Variants in MALRD1 observed in about 807,000 individuals in gnomAD.
MALRD1 encodes MAM and LDL-receptor class A domain-containing protein 1.
MALRD1 carries 247 observed loss-of-function variants against 242.1 expected under a neutral mutation model. That is an observed-to-expected ratio of 1.02 (90% confidence interval 0.92 to 1.13). The LOEUF is 1.13. Ranked by LOEUF, MALRD1 falls within the 50% of genes most tolerant of loss-of-function variation. The probability of loss-of-function intolerance (pLI) is 0.00; values close to 1 mark genes in which losing one functional copy is unlikely to be tolerated. For missense variants in MALRD1, 2,989 were observed against 2,533.1 expected (o/e 1.18, Z -3.86); for synonymous variants, 995 against 866.6 (o/e 1.15, Z -2.60).
At chr10:19,313,296 A>C (rs940050241) in intron 21 of MALRD1, among the ~76,000 whole-genome samples, 2 of 3,152 alleles carry the variant, frequency 6.3e-4, no homozygotes, top group East Asian at 0.33. Flanking sequence ...AATTTTCAAT[A>C]AATATTATTA....
chr10:19,068,362 A>G (rs1835043199), intron 2 of MALRD1, among the ~76,000 whole-genome samples: 1 of 151,852 alleles, frequency 6.6e-6, no homozygotes, highest in South Asian at 2.1e-4. Flanking sequence ...AAAATGGGGC[A>G]ATTCACACCA....
At chr10:19,632,637 C>A (rs1414290225) in intron 36 of MALRD1, among the ~76,000 whole-genome samples, 3 of 152,106 alleles carry the variant, frequency 2.0e-5, no homozygotes, top group African/African-American at 7.2e-5. Flanking sequence ...ATGTCAGAAA[C>A]AAATCTATGT....
chr10:19,257,828 T>C, intron 19 of MALRD1, 57 bp downstream of exon 19: 1 of 1,171,030 alleles, frequency 8.5e-7, no homozygotes, highest in Non-Finnish European at 1.2e-6. Flanking sequence ...TTGGAAAACT[T>C]GCAAGGAAAT....
At chr10:19,293,875 C>T (rs975168641) in intron 21 of MALRD1, among the ~76,000 whole-genome samples, 2 of 152,078 alleles carry the variant, frequency 1.3e-5, no homozygotes, top group African/African-American at 4.8e-5. Flanking sequence ...ACCTATGTGA[C>T]AAACCTGCAC....
chr10:19,678,031 T>G (rs1842208159), intron 36 of MALRD1, among the ~76,000 whole-genome samples: 1 of 152,194 alleles, frequency 6.6e-6, no homozygotes, highest in Non-Finnish European at 1.5e-5. Context: ...GGTCTATGTT[T>G]CTGTTTTTGT....
At position 19,626,208 on chromosome 10, in the gene MALRD1, A is replaced by C. The variant is rs928692755; in HGVS notation, c.6137+10285A>C. Among the ~76,000 whole-genome samples the C allele has an allele frequency of 2.6e-5, 4 of 152,176 alleles. No homozygotes were observed. In the South Asian group the frequency reaches 8.3e-4, roughly 32 times the overall value. Reference sequence around the variant, plus strand: ...ACGTTGGTGGACATAGGAGAAATCTAAAAGTCAAAACTGTAGTCTCTCCCT... The same window carrying C: ...ACGTTGGTGGACATAGGAGAAATCTCAAAGTCAAAACTGTAGTCTCTCCCT... On this transcript the variant is annotated intron_variant, in intron 36 of 39. Coordinates refer to ENST00000454679, the MANE Select transcript of MALRD1 (RefSeq NM_001142308.3).
chr10:19,365,302 T>C (rs1382915532), intron 26 of MALRD1, among the ~76,000 whole-genome samples: 1 of 152,124 alleles, frequency 6.6e-6, no homozygotes, highest in African/African-American at 2.4e-5. Flanking sequence ...GTGATGATTT[T>C]TTTTGTGGTT....
Position 19,688,037 on chromosome 10 carries a change from T to G in MALRD1, c.6138-4245T>G, listed in dbSNP as rs545600359. Among the ~76,000 whole-genome samples the G allele has an allele frequency of 2.0e-5, 3 of 152,228 alleles. No homozygotes were observed. In the South Asian group the frequency reaches 6.2e-4, roughly 32 times the overall value. ...CAGGCTGGAGCGCAGTGGAGTGATC[T>G]CGAGTCACTGCAAACTCCGCCTCCC... On this transcript the variant is annotated intron_variant, in intron 36 of 39. Coordinates refer to ENST00000454679, the MANE Select transcript of MALRD1 (RefSeq NM_001142308.3).
chr10:19,410,275 T>C (rs1375678558), intron 28 of MALRD1, among the ~76,000 whole-genome samples: 2 of 152,206 alleles, frequency 1.3e-5, no homozygotes, highest in African/African-American at 2.4e-5. Flanking sequence ...CTAGATTTAG[T>C]ATGATAAATA....
chr10:19,133,867 A>G lies in MALRD1; in HGVS notation c.1122A>G (p.Ile374Met). The G allele has an allele frequency of 8.1e-7, 1 of 1,228,608 alleles. No individual in the cohort carries two copies. Among genetic ancestry groups the G allele is most frequent in the Non-Finnish European group, 1.0e-6 (1 of 985,226 alleles). The allele number at this position is 1,228,608 out of a possible 1,614,324, so 76.1% of individuals were successfully genotyped here. ...VRLYNNKEEE[I>M]FWTYNISTHS... ...TCTTCAAATCAAAGGAAGAAGAAAT[A>G]TTTTGGACATACAACATATCAACTC... Residue 374 changes from isoleucine (I) to methionine (M), a missense_variant, in exon 9 of 40, where the codon ATA (isoleucine) becomes ATG (methionine). Transcript: ENST00000454679.
intron 39 of MALRD1, 95 bp downstream of exon 39, chr10:19,730,876 G>A (rs1463405062): frequency 3.5e-6 from 4 of 1,132,842 alleles, no homozygotes; most frequent in Middle Eastern, 2.3e-4. Flanking sequence ...GCTTGATCAT[G>A]TTTCTACATC....
intron 2 of MALRD1, among the ~76,000 whole-genome samples, chr10:19,080,034 T>C (rs1176840823): frequency 6.6e-6 from 1 of 151,856 alleles, no homozygotes; most frequent in Non-Finnish European, 1.5e-5. Flanking sequence ...ACAAAGAGAA[T>C]AAAACACTGA....
intron 32 of MALRD1, among the ~76,000 whole-genome samples, chr10:19,543,200 T>G (rs1793475833): frequency 6.6e-6 from 1 of 152,164 alleles, no homozygotes; most frequent in Admixed American, 6.5e-5. Flanking sequence ...TTCTCTGGCC[T>G]CAGCCTCTCA....
At position 19,324,124 on chromosome 10, in the gene MALRD1, C is replaced by T. The variant is rs1165984158; in HGVS notation, c.3576+19C>T. The stretch of plus-strand genomic sequence containing the variant: ...TCTCCAGGTACTGCTTAGGCAATCA[C>T]ATTTTCTGAATTTTCTCTCTAAAAG... On this transcript the variant is annotated intron_variant, in intron 22 of 39. Coordinates refer to ENST00000454679, the MANE Select transcript of MALRD1 (RefSeq NM_001142308.3). The T allele has an allele frequency of 6.5e-7, 1 of 1,542,798 alleles. No individual in the cohort carries two copies. Among genetic ancestry groups the T allele is most frequent in the South Asian group, 1.2e-5 (1 of 82,980 alleles).
chr10:19,463,590 G>A (rs77150287), intron 29 of MALRD1, among the ~76,000 whole-genome samples: 123,371 of 151,354 alleles, frequency 0.82, 50,438 homozygotes, highest in East Asian at 1. Flanking sequence ...GTGTGTGTGT[G>A]TATATACTCT....
intron 14 of MALRD1, among the ~76,000 whole-genome samples, chr10:19,187,000 A>G (rs1290302838): frequency 7.9e-5 from 12 of 152,104 alleles, no homozygotes; most frequent in Non-Finnish European, 2.9e-5. Flanking sequence ...TGAAATGTAC[A>G]CTGCTTCTGA....
chr10:19,591,656 G>A (rs540091452), intron 33 of MALRD1, among the ~76,000 whole-genome samples: 18 of 152,048 alleles, frequency 1.2e-4, no homozygotes, highest in South Asian at 1.0e-3. Flanking sequence ...GTGCCACCAC[G>A]CAGGCTAATT....
At chr10:19,453,826 G>A (rs1010446700) in intron 29 of MALRD1, among the ~76,000 whole-genome samples, 12 of 151,758 alleles carry the variant, frequency 7.9e-5, no homozygotes, top group African/African-American at 2.7e-4. Flanking sequence ...GCAGTGAGCC[G>A]AGATCGCACC....
upstream of MALRD1, among the ~76,000 whole-genome samples, chr10:19,047,805 G>A (rs1834375669): frequency 6.6e-6 from 1 of 151,968 alleles, no homozygotes. Context: ...GTAATTCTTA[G>A]AACATTTAAA....
Sources: gnomAD v4.1 joint callset for allele counts (sites outside exome capture counted in the v4.1 genomes callset) on GRCh38, gnomAD v4.1.1 for gene constraint, MANE v1.5 for transcripts, NCBI Gene and HGNC (gene_info 2026-07-23, HGNC 2026-07-21) for gene names.